Variants in GPATCH8 observed in about 807,000 individuals in gnomAD.
GPATCH8 encodes G patch domain-containing protein 8.
In GPATCH8, 18 loss-of-function variants were observed where a neutral mutation model predicts 118.3. The observed-to-expected ratio is 0.15, with a 90% CI of 0.11 to 0.23. GPATCH8 has a LOEUF of 0.23. GPATCH8 is among the 10% of genes least tolerant of loss of function. GPATCH8 has a pLI of 1.00. For synonymous variants in GPATCH8, 659 were observed against 684.7 expected, an observed-to-expected ratio of 0.96 and a Z score of 0.59; for missense variants, 1,631 against 1,873.8, an observed-to-expected ratio of 0.87 and a Z score of 2.39.
rs112715458 is a variant in GPATCH8 at position 44,435,782 on chromosome 17, G to A, written c.262-631C>T. Among the ~76,000 whole-genome samples, 612 of 146,918 alleles carry A rather than the reference G, an allele frequency of 4.2e-3. 7 individuals are homozygous for A. The highest frequency in any genetic ancestry group is 0.014 in the African/African-American group (560 of 40,606). Reference sequence around the variant, plus strand: ...CACACCTGTAATCCCAGCACTGTGGGAGGCCGAGGCGGGCGGGTCACCTGA... The same window carrying A: ...CACACCTGTAATCCCAGCACTGTGGAAGGCCGAGGCGGGCGGGTCACCTGA... On this transcript the variant is annotated intron_variant, in intron 4 of 7. Coordinates refer to ENST00000591680, the MANE Select transcript of GPATCH8 (RefSeq NM_001002909.4).
At chr17:44,452,149 T>C (rs1038988073) in intron 3 of GPATCH8, among the ~76,000 whole-genome samples, 1 of 151,440 alleles carries the variant, frequency 6.6e-6, no homozygotes, top group Non-Finnish European at 1.5e-5. Flanking sequence ...GGCATGCACC[T>C]ATAATCTCAG....
intron 5 of GPATCH8, among the ~76,000 whole-genome samples, chr17:44,430,305 C>T (rs1038745958): frequency 6.6e-6 from 1 of 151,984 alleles, no homozygotes; most frequent in Non-Finnish European, 1.5e-5. Context: ...AATTCAACAG[C>T]ATATTAAAAG....
In GPATCH8 at chr17:44,401,066, C is replaced by A; in HGVS notation, c.1011G>T (p.Lys337Asn). 1 of 1,614,212 alleles carries A rather than the reference C, an allele frequency of 6.2e-7. No homozygotes were observed. The highest frequency in any genetic ancestry group is 8.5e-7 in the Non-Finnish European group (1 of 1,180,024). ...TSEDGTKPDEKSSDQGLQKVG... is the reference protein window; with the variant it reads ...TSEDGTKPDENSSDQGLQKVG... ...CCTTCTGCAGTCCTTGGTCAGAACTCTTCTCATCGGGTTTTGTTCCATCTT... is the reference window on the plus strand; with the variant it reads ...CCTTCTGCAGTCCTTGGTCAGAACTATTCTCATCGGGTTTTGTTCCATCTT... The change falls in exon 8 of 8, where the codon AAG becomes AAT. Residue 337 changes from lysine (K) to asparagine (N), a missense_variant. By Grantham distance (94) the Lys-to-Asn change is moderately conservative. Around this residue, in one of 8 missense-constraint regions of GPATCH8, gnomAD observed 405 missense variants for 462.7 expected, o/e 0.88. Coordinates refer to ENST00000591680, the MANE Select transcript of GPATCH8 (RefSeq NM_001002909.4).
intron 6 of GPATCH8, among the ~76,000 whole-genome samples, chr17:44,423,239 C>CA (rs2049977968): frequency 6.6e-6 from 1 of 151,768 alleles, no homozygotes; most frequent in African/African-American, 2.4e-5. Context: ...AACTCCGTCT[C>CA]AAAAAAACAG....
At position 44,461,482 on chromosome 17, in the gene GPATCH8, CTA is replaced by C. The variant is rs1190810603; in HGVS notation, c.193+2988_193+2989del. 5.9e-5 allele frequency among the ~76,000 whole-genome samples: 9 copies of C among 152,004 alleles called. No individual in the cohort carries two copies. The South Asian group carries it at 6.2e-4, about 11-fold the overall frequency. Reference sequence around the variant, plus strand: ...TTCAGGCGCTAGCCACTGCACCCGGCTATGTTATCCGTTTTTTAACAATTAAA... The same window carrying C: ...TTCAGGCGCTAGCCACTGCACCCGGCTGTTATCCGTTTTTTAACAATTAAA... On this transcript the variant is annotated intron_variant, in intron 3 of 7. Transcript: ENST00000591680.
intron 3 of GPATCH8, among the ~76,000 whole-genome samples, chr17:44,438,497 T>C (rs1187667178): frequency 1.3e-5 from 2 of 151,864 alleles, no homozygotes; most frequent in African/African-American, 4.8e-5. Flanking sequence ...AACAGATACA[T>C]CCCTTCTTAA....
intron 5 of GPATCH8, among the ~76,000 whole-genome samples, chr17:44,433,009 TTTTTTTC>T (rs1326432882): frequency 1.3e-5 from 2 of 152,006 alleles, no homozygotes; most frequent in African/African-American, 2.4e-5. Context: ...ACCTAGCTAT[TTTTTTTC>T]TTTTTTCTTT....
At position 44,401,138 on chromosome 17, in the gene GPATCH8, T is replaced by A. The variant is rs61742272; in HGVS notation, c.939A>T (p.Glu313Asp). ...SFAKKAPVKLESIASVFKDHA... is the reference protein window; with the variant it reads ...SFAKKAPVKLDSIASVFKDHA... ...GGTCCTTGAAAACTGATGCTATTGA[T>A]TCGAGTTTGACAGGAGCCTTTTTGG... is the stretch of plus-strand genomic sequence containing the variant. Residue 313 changes from glutamate (E) to aspartate (D), a missense_variant, in exon 8 of 8, where the codon GAA (glutamate) becomes GAT (aspartate). Coordinates refer to ENST00000591680, the MANE Select transcript of GPATCH8 (RefSeq NM_001002909.4). The A allele has an allele frequency of 6.7e-4, 1,077 of 1,614,186 alleles. 5 individuals are homozygous for A. The African/African-American group carries it at 0.013, about 20-fold the overall frequency.
At chr17:44,457,336 T>C (rs745551863) in intron 3 of GPATCH8, among the ~76,000 whole-genome samples, 1 of 152,194 alleles carries the variant, frequency 6.6e-6, no homozygotes, top group African/African-American at 2.4e-5. Flanking sequence ...AGTTTTACTA[T>C]ACAAGCTACA....
intron 6 of GPATCH8, chr17:44,407,184 T>C (rs1331583012): frequency 1.3e-5 from 2 of 152,116 alleles, no homozygotes; most frequent in Non-Finnish European, 2.9e-5. Flanking sequence ...CAAAAAAAGA[T>C]ATACAGCTAA....
chr17:44,407,812 A>G (rs1424876030), intron 6 of GPATCH8, among the ~76,000 whole-genome samples: 2 of 152,006 alleles, frequency 1.3e-5, no homozygotes, highest in African/African-American at 4.8e-5. Context: ...GTGAACCCCT[A>G]TGCTTGGCTA....
At chr17:44,412,328 G>A (rs550634411) in intron 6 of GPATCH8, among the ~76,000 whole-genome samples, 201 of 152,286 alleles carry the variant, frequency 1.3e-3, no homozygotes, top group African/African-American at 4.4e-3. Flanking sequence ...GTCACAGTGA[G>A]CTATGATTGT....
In GPATCH8 at chr17:44,399,938, T is replaced by C; in HGVS notation, c.2139A>G (p.Lys713=). Residue 713 remains lysine, a synonymous_variant, in exon 8 of 8, where the codon AAA becomes AAG. Transcript: ENST00000591680. ...ESGEKSKKRK[K]RKRKKNKSSA... ...ATGACTTATTCTTCTTTCGTTTTCG[T>C]TTCTTGCGCTTCTTAGATTTCTCCC... The C allele has an allele frequency of 6.2e-7, 1 of 1,614,126 alleles. No individual in the cohort carries two copies. The highest frequency in any genetic ancestry group is 8.5e-7 in the Non-Finnish European group (1 of 1,179,998).
At chr17:44,494,309 C>T (rs748487247) in intron 1 of GPATCH8, among the ~76,000 whole-genome samples, 5 of 151,954 alleles carry the variant, frequency 3.3e-5, no homozygotes, top group East Asian at 1.9e-4. Flanking sequence ...TCACATGGTC[C>T]GGCCGGGCAC....
chr17:44,476,312 T>C (rs1343548234), intron 1 of GPATCH8, among the ~76,000 whole-genome samples: 2 of 152,006 alleles, frequency 1.3e-5, no homozygotes, highest in Admixed American at 1.3e-4. Flanking sequence ...TCAAGTGGTA[T>C]TCGTGCCTCA....
At chr17:44,483,825 T>TTTGTTGTTGTTG (rs55703241) in intron 1 of GPATCH8, among the ~76,000 whole-genome samples, 6,031 of 149,180 alleles carry the variant, frequency 0.04, 159 homozygotes, top group Middle Eastern at 0.062. Flanking sequence ...TTTGGTTGTT[T>TTTGTTGTTGTTG]TTGTTGTTGT....
intron 1 of GPATCH8, among the ~76,000 whole-genome samples, chr17:44,491,329 A>C (rs2144472269): frequency 6.6e-6 from 1 of 152,164 alleles, no homozygotes; most frequent in South Asian, 2.1e-4. Flanking sequence ...TCTCTACTAA[A>C]AACACAAAAA....
chr17:44,403,276 T>C (rs1385000088), intron 7 of GPATCH8, among the ~76,000 whole-genome samples: 1 of 152,114 alleles, frequency 6.6e-6, no homozygotes, highest in African/African-American at 2.4e-5. Flanking sequence ...GGCTTCACCA[T>C]GTTGGCCAGG....
At chr17:44,478,733 A>G (rs1245418662) in intron 1 of GPATCH8, among the ~76,000 whole-genome samples, 1 of 152,162 alleles carries the variant, frequency 6.6e-6, no homozygotes, top group Non-Finnish European at 1.5e-5. Flanking sequence ...ACTTTTTTAA[A>G]GTAATTAAAC....
Sources: allele counts gnomAD v4.1 joint callset (sites outside exome capture counted in the v4.1 genomes callset), GRCh38; gene constraint gnomAD v4.1.1; regional missense constraint gnomAD v4.1.1; transcripts MANE v1.5; gene names NCBI Gene and HGNC (gene_info 2026-07-23, HGNC 2026-07-21).